Variants in BDKRB2 observed in about 807,000 individuals in gnomAD.
The protein encoded by BDKRB2 is bradykinin receptor B2.
A neutral mutation model predicts 4.0 loss-of-function variants in BDKRB2; 6 were observed. That is an observed-to-expected ratio of 1.49 (90% CI 0.81 to 2.93). The LOEUF is 2.93. Among genes scored for constraint, BDKRB2 ranks in the 30% most tolerant of loss-of-function variants. The pLI is 0.00. For synonymous variants in BDKRB2, 225 were observed against 215.3 expected (o/e 1.05, Z -0.40); for missense variants, 478 against 520.1 (o/e 0.92, Z 0.79).
chr14:96,213,468 T>G (rs1890347604), intron 1 of BDKRB2, among the ~76,000 whole-genome samples: 1 of 149,462 alleles, frequency 6.7e-6, no homozygotes, highest in African/African-American at 2.5e-5. Context: ...CTCTTCTTCT[T>G]CCTGGGCCTC....
chr14:96,208,184 A>G (rs1271659846), intron 1 of BDKRB2, among the ~76,000 whole-genome samples: 5 of 152,080 alleles, frequency 3.3e-5, no homozygotes, highest in Admixed American at 1.3e-4. Context: ...TTAAATCCTC[A>G]ATTCCTCCTC....
intron 1 of BDKRB2, among the ~76,000 whole-genome samples, chr14:96,216,093 C>T (rs900219716): frequency 6.6e-6 from 1 of 152,176 alleles, no homozygotes; most frequent in Non-Finnish European, 1.5e-5. Context: ...AAATGAAATA[C>T]CAAGGAAAGT....
At chr14:96,218,638 C>T (rs1030267243) in intron 1 of BDKRB2, among the ~76,000 whole-genome samples, 14 of 152,196 alleles carry the variant, frequency 9.2e-5, no homozygotes, top group Admixed American at 3.9e-4. Flanking sequence ...CCATCTAGAG[C>T]TGGGCATGGT....
chr14:96,214,718 G>C (rs1160424808), intron 1 of BDKRB2: 5 of 152,264 alleles, frequency 3.3e-5, no homozygotes, highest in Non-Finnish European at 7.3e-5. Flanking sequence ...CCTATGCAAT[G>C]GTGCCTTGCC....
chr14:96,241,010 C>A lies in BDKRB2; in HGVS notation c.682C>A (p.Leu228Met). 1 of 1,605,406 alleles carries A rather than the reference C, an allele frequency of 6.2e-7. No individual in the cohort carries two copies. The highest frequency in any genetic ancestry group is 8.5e-7 in the Non-Finnish European group (1 of 1,173,588). Residue 228 changes from leucine to methionine, a missense_variant, in exon 3 of 3, where the codon CTG becomes ATG. Physicochemically the swap from Leu to Met is conservative, Grantham distance 15. Transcript: ENST00000554311. ...LIWEVFTNML[L>M]NVVGFLLPLS... ...CTGGGAAGTGTTCACCAACATGCTC[C>A]TGAATGTCGTGGGCTTCCTGCTGCC...
At chr14:96,238,750 C>A in intron 2 of BDKRB2, 1 of 985,646 alleles carries the variant, frequency 1.0e-6, no homozygotes, top group Non-Finnish European at 1.2e-6. Flanking sequence ...TCCTTCAAGA[C>A]CCAGCTCTAG....
intron 1 of BDKRB2, among the ~76,000 whole-genome samples, chr14:96,223,511 A>G (rs957641256): frequency 6.6e-6 from 1 of 152,158 alleles, no homozygotes; most frequent in Non-Finnish European, 1.5e-5. Flanking sequence ...CTTCTTGAGT[A>G]GAGCCACCAC....
intron 2 of BDKRB2, chr14:96,240,125 T>A: frequency 8.6e-7 from 1 of 1,161,300 alleles, no homozygotes. Context: ...CTTGAGATTG[T>A]TAGTGCTGTT....
chr14:96,237,186 G>A lies in BDKRB2; in HGVS notation c.74+5G>A, dbSNP rs1347513894. The A allele has an allele frequency of 1.9e-6, 3 of 1,611,044 alleles. No homozygotes were observed. In the South Asian group the frequency reaches 3.3e-5, roughly 18 times the overall value. Reference sequence around the variant, plus strand: ...GCCCACCACGGCCTCTTTCAGGTGAGTCAAAGGGATTCCTCAGTTCACTAG... The same window carrying A: ...GCCCACCACGGCCTCTTTCAGGTGAATCAAAGGGATTCCTCAGTTCACTAG... On this transcript the variant is annotated splice_donor_5th_base_variant and intron_variant, in intron 2 of 2. Transcript: ENST00000554311.
In BDKRB2 at chr14:96,242,614, C is replaced by T. The variant is rs1371404945; in HGVS notation, c.*1110C>T. On this transcript the variant is annotated 3_prime_UTR_variant, in exon 3 of 3. Transcript: ENST00000554311. ...CCTTCCACCTGTCATTCCCACCACCCTGAGGCCCCAACCGCCACACACACA... is the reference window on the plus strand; with the variant it reads ...CCTTCCACCTGTCATTCCCACCACCTTGAGGCCCCAACCGCCACACACACA... The T allele has an allele frequency of 2.0e-5, 3 of 152,294 alleles. No homozygotes were observed. The highest frequency in any genetic ancestry group is 2.9e-5 in the Non-Finnish European group (2 of 68,104). 9.4% of individuals were successfully genotyped at this position (152,294 alleles called of 1,614,324 possible). A position where few individuals can be genotyped will look rare whatever the true frequency, so the allele number is the denominator to read the frequency against.
rs574117550 is a variant in BDKRB2, at chr14:96,227,492, C to T, written c.-39-9577C>T. Among the ~76,000 whole-genome samples the T allele has an allele frequency of 2.0e-5, 3 of 152,292 alleles. No individual in the cohort carries two copies. In the East Asian group the frequency reaches 5.8e-4, roughly 29 times the overall value. On this transcript the variant is annotated intron_variant, in intron 1 of 2. Coordinates refer to ENST00000554311, the MANE Select transcript of BDKRB2 (RefSeq NM_001379692.1). ...CCAACCCCCTGGGGACATCTCCAGG[C>T]ACTTGACCCATGCTCTTCCAACATT...
In BDKRB2 at chr14:96,243,991, C is replaced by T. The variant is rs201401596; in HGVS notation, c.*2487C>T. 4.4e-5 allele frequency: 17 copies of T among 388,514 alleles called. No homozygotes were observed. Among genetic ancestry groups the T allele is most frequent in the Non-Finnish European group, 5.0e-5 (11 of 220,344 alleles). The allele number at this position is 388,514 out of a possible 1,614,324, so 24.1% of individuals were successfully genotyped here. ...CTGGTCTGAGGGGCAACTGAGTCTG[C>T]GGGAGAAGAGCGGCCCTATGCATGG... On this transcript the variant is annotated 3_prime_UTR_variant, in exon 3 of 3. Coordinates refer to ENST00000554311, the MANE Select transcript of BDKRB2 (RefSeq NM_001379692.1).
At position 96,241,497 on chromosome 14, in the gene BDKRB2, G is replaced by A. The variant is rs746121575; in HGVS notation, c.1169G>A (p.Arg390Lys). Residue 390 changes from arginine (R) to lysine (K), a missense_variant, in exon 3 of 3, where the codon AGA becomes AAA. By Grantham distance (26) the Arg-to-Lys change is conservative. Transcript: ENST00000554311. ...IHKLQDWAGS[R>K]Q Reference sequence around the variant, plus strand: ...AAACTGCAGGACTGGGCAGGGAGCAGACAGTGAGCAAACGCCAGCAGGGCT... The same window carrying A: ...AAACTGCAGGACTGGGCAGGGAGCAAACAGTGAGCAAACGCCAGCAGGGCT... The A allele has an allele frequency of 6.6e-7, 1 of 1,526,492 alleles. No homozygotes were observed. Among genetic ancestry groups the A allele is most frequent in the East Asian group, 2.3e-5 (1 of 44,216 alleles). The allele number at this position is 1,526,492 out of a possible 1,614,324, so 94.6% of individuals were successfully genotyped here.
chr14:96,223,027 G>T (rs1566690753), intron 1 of BDKRB2: 1 of 687,940 alleles, frequency 1.5e-6, no homozygotes, highest in Admixed American at 2.2e-5. Context: ...AAGACAGTAA[G>T]AAATAGCAAG....
In BDKRB2 at chr14:96,237,074, G is replaced by A; in HGVS notation, c.-34G>A. 6.4e-7 allele frequency: 1 copy of A among 1,558,444 alleles called. No individual in the cohort carries two copies. The highest frequency in any genetic ancestry group is 8.9e-7 in the Non-Finnish European group (1 of 1,129,258). Reference sequence around the variant, plus strand: ...ATCTTTTCTTCTCTGTTCAGCCCAGGTGTGGCCTCACTCACATCCCACTCT... The same window carrying A: ...ATCTTTTCTTCTCTGTTCAGCCCAGATGTGGCCTCACTCACATCCCACTCT... On this transcript the variant is annotated 5_prime_UTR_variant, in exon 2 of 3. In the 5' UTR this introduces an upstream ATG that the reference lacks. Transcript: ENST00000554311.
At chr14:96,212,416 C>A (rs547664800) in intron 1 of BDKRB2, among the ~76,000 whole-genome samples, 1 of 151,794 alleles carries the variant, frequency 6.6e-6, no homozygotes, top group African/African-American at 2.4e-5. Context: ...AAAAACTGTT[C>A]AATTCAATAA....
At chr14:96,209,809 A>C (rs577314815) in intron 1 of BDKRB2, among the ~76,000 whole-genome samples, 1 of 152,258 alleles carries the variant, frequency 6.6e-6, no homozygotes, top group African/African-American at 2.4e-5. Flanking sequence ...CAGCCTGTCC[A>C]ACATGGTGAA....
chr14:96,222,552 A>G (rs1283236362), intron 1 of BDKRB2, among the ~76,000 whole-genome samples: 1 of 152,062 alleles, frequency 6.6e-6, no homozygotes, highest in African/African-American at 2.4e-5. Context: ...GCTCCGTGTC[A>G]GGAACTGGTG....
intron 1 of BDKRB2, among the ~76,000 whole-genome samples, chr14:96,230,250 G>A (rs1202856816): frequency 6.6e-5 from 10 of 152,222 alleles, no homozygotes; most frequent in Admixed American, 3.3e-4. Flanking sequence ...GGAGCAACAC[G>A]GATAAATTCC....
Sources: gnomAD v4.1 joint callset for allele counts (sites outside exome capture counted in the v4.1 genomes callset) on GRCh38, gnomAD v4.1.1 for gene constraint, MANE v1.5 for transcripts, NCBI Gene and HGNC (gene_info 2026-07-23, HGNC 2026-07-21) for gene names.